Variants in CDH2 observed in about 807,000 individuals in gnomAD.
The protein encoded by CDH2 is cadherin-2.
CDH2 carries 17 observed loss-of-function variants against 92.0 expected under a neutral mutation model. The ratio of observed to expected loss-of-function variants is 0.18; its 90% CI spans 0.13 to 0.28. The LOEUF is 0.28. CDH2 is among the 10% of genes least tolerant of loss of function. The pLI is 1.00. For synonymous variants in CDH2, 419 were observed against 415.9 expected, an observed-to-expected ratio of 1.01 and a Z score of -0.09; for missense variants, 862 against 1,133.1, an observed-to-expected ratio of 0.76 and a Z score of 3.44.
intron 2 of CDH2, among the ~76,000 whole-genome samples, chr18:28,092,670 A>C (rs1464189014): frequency 6.6e-6 from 1 of 152,166 alleles, no homozygotes; most frequent in Non-Finnish European, 1.5e-5. Context: ...AAAATCTTTG[A>C]AGAAACCACA....
chr18:28,114,367 A>G (rs1419463566), intron 2 of CDH2, among the ~76,000 whole-genome samples: 2 of 152,246 alleles, frequency 1.3e-5, no homozygotes, highest in African/African-American at 2.4e-5. Context: ...GGGCAAGAGA[A>G]CTGGATCTTA....
intron 1 of CDH2, among the ~76,000 whole-genome samples, chr18:28,150,854 T>C (rs2016109958): frequency 1.3e-5 from 2 of 152,190 alleles, no homozygotes; most frequent in Admixed American, 1.3e-4. Flanking sequence ...CTATAATGTA[T>C]TTTCTTAAAA....
intron 14 of CDH2, among the ~76,000 whole-genome samples, chr18:27,976,168 G>A (rs183597059): frequency 1.1e-3 from 160 of 152,272 alleles, no homozygotes; most frequent in African/African-American, 3.5e-3. Context: ...CAGCTTTAAG[G>A]TGGGGCTTTG....
intron 14 of CDH2, among the ~76,000 whole-genome samples, chr18:27,976,547 T>C (rs1222078834): frequency 2.0e-5 from 3 of 152,222 alleles, no homozygotes; most frequent in South Asian, 2.1e-4. Context: ...TAAGATATGA[T>C]AGACACCATT....
At chr18:28,153,293 T>C (rs1428214139) in intron 1 of CDH2, among the ~76,000 whole-genome samples, 1 of 152,202 alleles carries the variant, frequency 6.6e-6, no homozygotes, top group Non-Finnish European at 1.5e-5. Flanking sequence ...TGTTAAGTTA[T>C]GGCTTCCTCC....
rs748046882 is a variant in CDH2, at chr18:28,147,796, GA to G, written c.61-13del. The G allele has an allele frequency of 0.18, 174,165 of 983,730 alleles. 40 individuals are homozygous for G. The highest frequency in any genetic ancestry group is 0.23 in the South Asian group (14,072 of 60,774). The allele number at this position is 983,730 out of a possible 1,614,324, so 60.9% of individuals were successfully genotyped here. A position where few individuals can be genotyped will look rare whatever the true frequency, so the allele number is the denominator to read the frequency against. On this transcript the variant is annotated splice_polypyrimidine_tract_variant and intron_variant, in intron 1 of 15. Transcript: ENST00000269141. The stretch of plus-strand genomic sequence containing the variant: ...GCCTCTACAGACGCCTGCAACACAA[GA>G]AAAAAAAAAAAAATGTGTGCAATGA...
At chr18:27,963,788 G>C (rs541050087) in intron 14 of CDH2, 15 of 401,892 alleles carry the variant, frequency 3.7e-5, no homozygotes, top group African/African-American at 2.8e-4. Context: ...AGTGTGATGA[G>C]GTCTCACTAT....
chr18:27,988,689 A>T (rs775024816), intron 10 of CDH2, 23 bp from the exon 11 acceptor site: 1 of 1,550,568 alleles, frequency 6.4e-7, no homozygotes, highest in Non-Finnish European at 8.9e-7. Context: ...AGTGAAGTTT[A>T]ATTTCTTTTT....
intron 6 of CDH2, among the ~76,000 whole-genome samples, chr18:27,934,342 A>C (rs1313884125): frequency 6.6e-6 from 1 of 152,196 alleles, no homozygotes; most frequent in Non-Finnish European, 1.5e-5. Context: ...GAGCAATCTG[A>C]GTGCCATTTT....
At chr18:28,024,851 TCAGA>T in intron 2 of CDH2, among the ~76,000 whole-genome samples, 1 of 149,270 alleles carries the variant, frequency 6.7e-6, no homozygotes, top group South Asian at 2.1e-4. Context: ...TGAAATCCAA[TCAGA>T]AAGAAAAAAG....
In CDH2 at chr18:28,012,077, A is replaced by G. The variant is rs961406477; in HGVS notation, c.400-85T>C. On this transcript the variant is annotated intron_variant, in intron 3 of 15. Transcript: ENST00000269141. ...TCAATATTATTGAATACCTGAAAGC[A>G]TAGGAATCACAGTTTATTATGAACA... 8 of 1,136,900 alleles carry G rather than the reference A, an allele frequency of 7.0e-6. No homozygotes were observed. The African/African-American group carries it at 7.8e-5, about 11-fold the overall frequency. The allele number at this position is 1,136,900 out of a possible 1,614,324, so 70.4% of individuals were successfully genotyped here.
chr18:28,145,759 G>C (rs762315689), intron 2 of CDH2, among the ~76,000 whole-genome samples: 1 of 151,472 alleles, frequency 6.6e-6, no homozygotes, highest in Non-Finnish European at 1.5e-5. Flanking sequence ...CAAGCTTTAC[G>C]ATGCTGGTAT....
At chr18:27,982,468 A>C (rs1315966081) in intron 14 of CDH2, among the ~76,000 whole-genome samples, 1 of 152,068 alleles carries the variant, frequency 6.6e-6, no homozygotes, top group Non-Finnish European at 1.5e-5. Context: ...AGAATGTAAG[A>C]CTCTTAAGGA....
rs1188836783 is a variant in CDH2 at position 28,009,855 on chromosome 18, A to C, written c.564T>G (p.Asp188Glu). ...CACTGTACCGCAGTGAAAGGTTTTT[A>C]TCTCTATCAGACCTGATCTGAGGAT... ...QELVRIRSDR[D>E]KNLSLRYSVT... Residue 188 changes from aspartate to glutamate, a missense_variant, in exon 5 of 16, where the codon GAT becomes GAG. Coordinates refer to ENST00000269141, the MANE Select transcript of CDH2 (RefSeq NM_001792.5). The C allele has an allele frequency of 6.2e-7, 1 of 1,612,664 alleles. No homozygotes were observed. Among genetic ancestry groups the C allele is most frequent in the African/African-American group, 1.3e-5 (1 of 74,908 alleles).
intron 1 of CDH2, among the ~76,000 whole-genome samples, chr18:28,154,611 C>T (rs575210408): frequency 1.6e-4 from 24 of 152,324 alleles, no homozygotes; most frequent in African/African-American, 4.8e-4. Context: ...AATTTTTCCA[C>T]GGTCTCAATG....
rs2014695331 is a variant in CDH2, at chr18:28,075,189, T to C, written c.173-61280A>G. Reference sequence around the variant, plus strand: ...GTTCTCTGAAGCAGCCCACATTCTATGGGAAGAAAGCACATAAAGTAAAAA... The same window carrying C: ...GTTCTCTGAAGCAGCCCACATTCTACGGGAAGAAAGCACATAAAGTAAAAA... On this transcript the variant is annotated intron_variant, in intron 2 of 15. Transcript: ENST00000269141. Among the ~76,000 whole-genome samples, 2 of 152,106 alleles carry C rather than the reference T, an allele frequency of 1.3e-5. 1 individual carries two copies. Among genetic ancestry groups the C allele is most frequent in the South Asian group, 4.1e-4 (2 of 4,824 alleles).
At chr18:28,176,203 C>T (rs891842349) in intron 1 of CDH2, among the ~76,000 whole-genome samples, 1 of 152,110 alleles carries the variant, frequency 6.6e-6, no homozygotes, top group Non-Finnish European at 1.5e-5. Flanking sequence ...GCCCCCGGGG[C>T]GCATATAGGG....
At chr18:27,934,795 T>C (rs1027280776) in intron 6 of CDH2, among the ~76,000 whole-genome samples, 5 of 152,132 alleles carry the variant, frequency 3.3e-5, no homozygotes, top group African/African-American at 9.7e-5. Context: ...AAGATTTTAT[T>C]TGGGCCCGGC....
At chr18:27,941,250 T>G (rs1466301098) in intron 6 of CDH2, among the ~76,000 whole-genome samples, 1 of 152,220 alleles carries the variant, frequency 6.6e-6, no homozygotes, top group East Asian at 1.9e-4. Flanking sequence ...TTAGCCAGGA[T>G]GGTCTTGATC....
Sources: allele counts gnomAD v4.1 joint callset (sites outside exome capture counted in the v4.1 genomes callset), GRCh38; gene constraint gnomAD v4.1.1; transcripts MANE v1.5; gene names NCBI Gene and HGNC (gene_info 2026-07-23, HGNC 2026-07-21).